Variants in CCBE1 observed in about 807,000 individuals in gnomAD.
CCBE1 encodes collagen and calcium-binding EGF domain-containing protein 1.
A neutral mutation model predicts 50.0 loss-of-function variants in CCBE1; 37 were observed. The ratio of observed to expected loss-of-function variants is 0.74; its 90% CI spans 0.57 to 0.97. The LOEUF is 0.97. CCBE1 is among the 50% of genes least tolerant of loss of function. The pLI is 0.00. For synonymous variants in CCBE1, 234 were observed against 203.7 expected, an observed-to-expected ratio of 1.15 and a Z score of -1.27; for missense variants, 538 against 523.8, an observed-to-expected ratio of 1.03 and a Z score of -0.26.
At chr18:59,526,309 A>ATT (rs35895583) in intron 2 of CCBE1, among the ~76,000 whole-genome samples, 17 of 130,176 alleles carry the variant, frequency 1.3e-4, no homozygotes, top group East Asian at 9.1e-4. Flanking sequence ...CTGATTTGAG[A>ATT]TTTTTTTTTT....
intron 2 of CCBE1, among the ~76,000 whole-genome samples, chr18:59,511,887 G>A (rs186782057): frequency 2.6e-5 from 4 of 152,276 alleles, no homozygotes; most frequent in African/African-American, 4.8e-5. Flanking sequence ...GAACAGACTC[G>A]GAATCCATCG....
At chr18:59,680,411 C>A (rs144539838) in intron 2 of CCBE1, among the ~76,000 whole-genome samples, 17 of 151,916 alleles carry the variant, frequency 1.1e-4, no homozygotes, top group African/African-American at 4.1e-4. Flanking sequence ...ATGTAAAGAA[C>A]ACCTAAAGGC....
At chr18:59,556,408 A>G (rs2052658015) in intron 2 of CCBE1, among the ~76,000 whole-genome samples, 1 of 152,180 alleles carries the variant, frequency 6.6e-6, no homozygotes, top group African/African-American at 2.4e-5. Context: ...GACCTGCAGT[A>G]ACATATGCCT....
intron 4 of CCBE1, among the ~76,000 whole-genome samples, chr18:59,467,748 G>A (rs1178283682): frequency 6.6e-6 from 1 of 152,192 alleles, no homozygotes; most frequent in Non-Finnish European, 1.5e-5. Context: ...CTGTGCACAT[G>A]TGCTGCGTAG....
At chr18:59,661,733 C>T (rs979560374) in intron 2 of CCBE1, among the ~76,000 whole-genome samples, 9 of 152,022 alleles carry the variant, frequency 5.9e-5, no homozygotes, top group African/African-American at 1.7e-4. Context: ...TTTGAGAGCC[C>T]GAGGCGGGAG....
Position 59,523,554 on chromosome 18 carries a change from C to G in CCBE1, c.213-43316G>C, listed in dbSNP as rs559812629. Among the ~76,000 whole-genome samples the G allele has an allele frequency of 3.3e-5, 5 of 152,202 alleles. No individual in the cohort carries two copies. The East Asian group carries it at 9.6e-4, about 29-fold the overall frequency. On this transcript the variant is annotated intron_variant, in intron 2 of 10. Coordinates refer to ENST00000439986, the MANE Select transcript of CCBE1 (RefSeq NM_133459.4). Reference sequence around the variant, plus strand: ...CAGCAGTGAGCCAGTGTCTGGTTCACTAAATAGCAGCTATCATTCTATTAT... The same window carrying G: ...CAGCAGTGAGCCAGTGTCTGGTTCAGTAAATAGCAGCTATCATTCTATTAT...
chr18:59,457,997 G>A (rs112536182), intron 5 of CCBE1, among the ~76,000 whole-genome samples: 17 of 152,282 alleles, frequency 1.1e-4, no homozygotes, highest in African/African-American at 4.1e-4. Flanking sequence ...CAGGCTCCAG[G>A]TTTATTATGT....
rs147874312 is a variant in CCBE1 at position 59,432,589 on chromosome 18, A to C, written c.*3319T>G. On this transcript the variant is annotated 3_prime_UTR_variant, in exon 11 of 11. Coordinates refer to ENST00000439986, the MANE Select transcript of CCBE1 (RefSeq NM_133459.4). ...TTGAAAAATATGATTTGGGCATAAA[A>C]AGTACATATCAGTCTTGCAGTAGTC... is the stretch of plus-strand genomic sequence containing the variant. The C allele has an allele frequency of 7.7e-4, 117 of 152,318 alleles. No individual in the cohort carries two copies. The highest frequency in any genetic ancestry group is 2.6e-3 in the African/African-American group (108 of 41,582). 9.4% of individuals were successfully genotyped at this position (152,318 alleles called of 1,614,324 possible). A position where few individuals can be genotyped will look rare whatever the true frequency, so the allele number is the denominator to read the frequency against.
intron 2 of CCBE1, among the ~76,000 whole-genome samples, chr18:59,526,208 C>T (rs1323188677): frequency 6.6e-6 from 1 of 151,742 alleles, no homozygotes; most frequent in Non-Finnish European, 1.5e-5. Context: ...CCTTCAGTTC[C>T]ACTCTGATCT....
intron 2 of CCBE1, among the ~76,000 whole-genome samples, chr18:59,515,435 TG>T (rs1914328105): frequency 6.6e-6 from 1 of 152,196 alleles, no homozygotes; most frequent in Non-Finnish European, 1.5e-5. Flanking sequence ...TGTCCATAAA[TG>T]GTATCATTTC....
At chr18:59,547,762 T>C (rs1232603249) in intron 2 of CCBE1, among the ~76,000 whole-genome samples, 4 of 152,154 alleles carry the variant, frequency 2.6e-5, no homozygotes, top group African/African-American at 9.7e-5. Flanking sequence ...CCTCCAGTGG[T>C]GTGGGCTACG....
Position 59,668,404 on chromosome 18 carries a change from G to A in CCBE1, c.212+28225C>T, listed in dbSNP as rs184162376. Among the ~76,000 whole-genome samples, 282 of 142,986 alleles carry A rather than the reference G, an allele frequency of 2.0e-3. 1 individual carries two copies. The highest frequency in any genetic ancestry group is 6.9e-3 in the Middle Eastern group (2 of 290). 93.8% of individuals were successfully genotyped at this position (142,986 alleles called of 152,430 possible). ...TGCACTCCAGCCTGGGCGACAAAGC[G>A]AGACTCCATCTCAAAATAATAATAA... On this transcript the variant is annotated intron_variant, in intron 2 of 10. Transcript: ENST00000439986.
At chr18:59,565,876 A>C (rs894310619) in intron 2 of CCBE1, among the ~76,000 whole-genome samples, 1 of 152,074 alleles carries the variant, frequency 6.6e-6, no homozygotes, top group Admixed American at 6.5e-5. Context: ...ACTCAACCTA[A>C]TGCATAAAAT....
chr18:59,609,866 A>C (rs2144580278), intron 2 of CCBE1, among the ~76,000 whole-genome samples: 1 of 152,352 alleles, frequency 6.6e-6, no homozygotes, highest in South Asian at 2.1e-4. Flanking sequence ...AGTACCAGGG[A>C]TAATATTCAA....
intron 2 of CCBE1, among the ~76,000 whole-genome samples, chr18:59,608,019 G>C (rs1187375084): frequency 6.6e-6 from 1 of 152,110 alleles, no homozygotes; most frequent in Non-Finnish European, 1.5e-5. Flanking sequence ...GAGGTGTAGT[G>C]AGCCGATATT....
At chr18:59,555,471 TTG>T (rs952917894) in intron 2 of CCBE1, among the ~76,000 whole-genome samples, 2 of 152,198 alleles carry the variant, frequency 1.3e-5, no homozygotes, top group African/African-American at 4.8e-5. Flanking sequence ...AGGAATTTGG[TTG>T]TGTTAGAGCC....
At chr18:59,544,994 A>AT (rs1158194021) in intron 2 of CCBE1, among the ~76,000 whole-genome samples, 4 of 152,224 alleles carry the variant, frequency 2.6e-5, no homozygotes, top group African/African-American at 4.8e-5. Context: ...ATGTTAATAC[A>AT]ATCAATATAC....
At chr18:59,518,124 T>C (rs7230098) in intron 2 of CCBE1, among the ~76,000 whole-genome samples, 19,999 of 152,132 alleles carry the variant, frequency 0.13, 3,268 homozygotes, top group African/African-American at 0.38. Flanking sequence ...CAACACTTTG[T>C]TTCCACCCCC....
intron 2 of CCBE1, among the ~76,000 whole-genome samples, chr18:59,588,470 T>A (rs73961269): frequency 0.015 from 2,260 of 152,294 alleles, 69 homozygotes; most frequent in African/African-American, 0.051. Context: ...TTCCAGATTA[T>A]AACCTCCTAA....
Sources: gnomAD v4.1 joint callset for allele counts (sites outside exome capture counted in the v4.1 genomes callset) on GRCh38, gnomAD v4.1.1 for gene constraint, MANE v1.5 for transcripts, NCBI Gene and HGNC (gene_info 2026-07-23, HGNC 2026-07-21) for gene names.